The following DLG1 variants were observed in gnomAD, a reference collection of about 807,000 sequenced individuals.
DLG1 encodes the protein discs large MAGUK scaffold protein 1.
A neutral mutation model predicts 123.4 loss-of-function variants in DLG1; 42 were observed. The ratio of observed to expected loss-of-function variants is 0.34; its 90% CI spans 0.27 to 0.44. The LOEUF is 0.44. Among genes scored for constraint, DLG1 ranks in the 20% least tolerant of loss-of-function variants. The pLI is 1.00. For synonymous variants in DLG1, 317 were observed against 356.2 expected, an observed-to-expected ratio of 0.89 and a Z score of 1.24; for missense variants, 942 against 1,082.6, an observed-to-expected ratio of 0.87 and a Z score of 1.82.
intron 11 of DLG1, among the ~76,000 whole-genome samples, chr3:197,127,360 T>C (rs1220777935): frequency 1.5e-5 from 2 of 132,780 alleles, no homozygotes; most frequent in African/African-American, 5.9e-5. Flanking sequence ...GAGGCGGAGG[T>C]TGCAGTGAGC....
intron 5 of DLG1, among the ~76,000 whole-genome samples, chr3:197,180,045 T>C (rs1809286957): frequency 7.4e-6 from 1 of 135,508 alleles, no homozygotes; most frequent in Non-Finnish European, 1.6e-5. Flanking sequence ...TCAGCTTAAT[T>C]TGGCATGTTG....
At chr3:197,071,992 G>C (rs1744255237) in intron 18 of DLG1, among the ~76,000 whole-genome samples, 1 of 152,098 alleles carries the variant, frequency 6.6e-6, no homozygotes, top group African/African-American at 2.4e-5. Flanking sequence ...AATGTTCAAA[G>C]CAACACTATT....
intron 14 of DLG1, among the ~76,000 whole-genome samples, chr3:197,101,166 C>T (rs1040178045): frequency 1.3e-5 from 2 of 152,134 alleles, no homozygotes; most frequent in African/African-American, 2.4e-5. Flanking sequence ...AAAGGTTTTT[C>T]TTCGCTTAAA....
chr3:197,274,395 T>C (rs578091238), intron 4 of DLG1, among the ~76,000 whole-genome samples: 31 of 152,262 alleles, frequency 2.0e-4, no homozygotes, highest in Admixed American at 7.2e-4. Flanking sequence ...TATCCATATG[T>C]AGAATGAATC....
At chr3:197,084,236 C>G (rs1005188568) in intron 16 of DLG1, among the ~76,000 whole-genome samples, 3 of 152,030 alleles carry the variant, frequency 2.0e-5, no homozygotes, top group Non-Finnish European at 4.4e-5. Context: ...AAATGGCACA[C>G]TGATTTAATA....
At chr3:197,259,863 T>C (rs961809435) in intron 4 of DLG1, among the ~76,000 whole-genome samples, 3 of 152,146 alleles carry the variant, frequency 2.0e-5, no homozygotes, top group Non-Finnish European at 4.4e-5. Flanking sequence ...AAATTAACTA[T>C]AATTATAATA....
rs565453876 is a variant in DLG1 at position 197,294,615 on chromosome 3, G to C, written c.151+1731C>G. On this transcript the variant is annotated intron_variant, in intron 3 of 24. Transcript: ENST00000667157. ...GGAGCTTGCAGTGAGCGGAGATCTC[G>C]CCACTGCACTCCAGCCTGGGTGACA... 4.4e-4 allele frequency among the ~76,000 whole-genome samples: 63 copies of C among 142,642 alleles called. No homozygotes were observed. In the South Asian group the frequency reaches 0.014, roughly 31 times the overall value. 93.6% of individuals were successfully genotyped at this position (142,642 alleles called of 152,430 possible).
intron 4 of DLG1, among the ~76,000 whole-genome samples, chr3:197,195,292 T>TAA (rs1412487490): frequency 6.3e-5 from 9 of 143,322 alleles, no homozygotes; most frequent in East Asian, 2.0e-4. Flanking sequence ...ATCAATGATT[T>TAA]AAAAAAAAAA....
chr3:197,216,502 A>T (rs1285575014), intron 4 of DLG1, among the ~76,000 whole-genome samples: 1 of 152,166 alleles, frequency 6.6e-6, no homozygotes, highest in Non-Finnish European at 1.5e-5. Context: ...CTCCCAATGG[A>T]GTCACATAAG....
At chr3:197,073,074 C>T (rs898710710) in intron 18 of DLG1, among the ~76,000 whole-genome samples, 11 of 152,170 alleles carry the variant, frequency 7.2e-5, no homozygotes, top group African/African-American at 2.2e-4. Context: ...ATGCTTCTTC[C>T]TGATACAGTA....
chr3:197,198,462 G>A (rs1723794179), intron 4 of DLG1, among the ~76,000 whole-genome samples: 1 of 145,756 alleles, frequency 6.9e-6, no homozygotes, highest in East Asian at 2.1e-4. Context: ...ACTCCAGCCT[G>A]GGTGACACAG....
In DLG1 at chr3:197,125,575, G is replaced by A. The variant is rs577033289; in HGVS notation, c.1165+4952C>T. On this transcript the variant is annotated intron_variant, in intron 11 of 24. Coordinates refer to ENST00000667157, the MANE Select transcript of DLG1 (RefSeq NM_001366207.1). The stretch of plus-strand genomic sequence containing the variant: ...TGGAATTGCTAGAATAGAGGTGAAT[G>A]AACTGAGGGTTGTAGTCACACAATG... Among the ~76,000 whole-genome samples, 3 of 152,276 alleles carry A rather than the reference G, an allele frequency of 2.0e-5. No homozygotes were observed. In the South Asian group the frequency reaches 6.2e-4, roughly 32 times the overall value.
chr3:197,217,176 G>A lies in DLG1; in HGVS notation c.319-22587C>T, dbSNP rs147009128. On this transcript the variant is annotated intron_variant, in intron 4 of 24. Transcript: ENST00000667157. Reference sequence around the variant, plus strand: ...AGAGTATATGTGAGAGTATGCTCTCGTTTTTTATAGTGATACACCATAATT... The same window carrying A: ...AGAGTATATGTGAGAGTATGCTCTCATTTTTTATAGTGATACACCATAATT... 8.6e-4 allele frequency among the ~76,000 whole-genome samples: 131 copies of A among 152,264 alleles called. 3 individuals are homozygous for A. In the South Asian group the frequency reaches 0.02, roughly 23 times the overall value.
chr3:197,167,917 AAT>A (rs1577393318), intron 5 of DLG1, among the ~76,000 whole-genome samples: 2 of 152,198 alleles, frequency 1.3e-5, no homozygotes, highest in South Asian at 4.1e-4. Context: ...TCACAAATGT[AAT>A]ATGTTTTCTT....
At chr3:197,211,269 G>A (rs1288557583) in intron 4 of DLG1, among the ~76,000 whole-genome samples, 1 of 146,246 alleles carries the variant, frequency 6.8e-6, no homozygotes, top group East Asian at 2.0e-4. Flanking sequence ...TAAAGAGGCT[G>A]AACTCCTCTC....
intron 3 of DLG1, among the ~76,000 whole-genome samples, chr3:197,295,882 T>C (rs1373453439): frequency 6.6e-6 from 1 of 152,214 alleles, no homozygotes; most frequent in Non-Finnish European, 1.5e-5. Flanking sequence ...CTAGACAAGA[T>C]CATCTCTAAG....
At chr3:197,262,727 A>G (rs1474672207) in intron 4 of DLG1, among the ~76,000 whole-genome samples, 4 of 152,226 alleles carry the variant, frequency 2.6e-5, no homozygotes, top group Non-Finnish European at 1.5e-5. Context: ...AGATAGTGTC[A>G]GAATTGAATT....
intron 22 of DLG1, among the ~76,000 whole-genome samples, chr3:197,061,554 C>T (rs1735843301): frequency 6.9e-6 from 1 of 144,658 alleles, no homozygotes; most frequent in African/African-American, 2.8e-5. Context: ...GTTGTAAAGT[C>T]TCCTTAGTCT....
chr3:197,144,772 C>T (rs1789844478), intron 6 of DLG1, among the ~76,000 whole-genome samples: 2 of 152,136 alleles, frequency 1.3e-5, no homozygotes, highest in Admixed American at 6.5e-5. Context: ...GTTCCCTCTT[C>T]TTTCTCATCT....
Sources: allele counts gnomAD v4.1 joint callset (sites outside exome capture counted in the v4.1 genomes callset), GRCh38; gene constraint gnomAD v4.1.1; transcripts MANE v1.5; gene names NCBI Gene and HGNC (gene_info 2026-07-23, HGNC 2026-07-21).